Variants in PDE8B observed in about 807,000 individuals in gnomAD.
PDE8B encodes the protein phosphodiesterase 8B.
In PDE8B, 26 loss-of-function variants were observed where a neutral mutation model predicts 101.3. The ratio of observed to expected loss-of-function variants is 0.26; its 90% CI spans 0.19 to 0.36. The LOEUF is 0.36. Ranked by LOEUF, PDE8B falls within the 10% of genes least tolerant of loss-of-function variation. PDE8B has a pLI of 1.00. For synonymous variants in PDE8B, 424 were observed against 429.3 expected, an observed-to-expected ratio of 0.99 and a Z score of 0.15; for missense variants, 810 against 1,163.1, an observed-to-expected ratio of 0.70 and a Z score of 4.42.
the PDE8B span, among the ~76,000 whole-genome samples, chr5:77,149,531 A>G: frequency 2.6e-5 from 4 of 152,112 alleles, no homozygotes; most frequent in Non-Finnish European, 4.4e-5. Flanking sequence ...ATCTTCATTA[A>G]TTTTTCTTAG....
the PDE8B span, among the ~76,000 whole-genome samples, chr5:77,187,374 A>G: frequency 6.6e-6 from 1 of 152,234 alleles, no homozygotes; most frequent in Non-Finnish European, 1.5e-5. Flanking sequence ...AAGTACCTAC[A>G]GCTAGATTTA....
Position 77,211,867 on chromosome 5 carries a change from T to C in PDE8B, c.339+603T>C, listed in dbSNP as rs1748502078. Among the ~76,000 whole-genome samples the C allele has an allele frequency of 6.6e-6, 1 of 152,104 alleles. No homozygotes were observed. Among genetic ancestry groups the C allele is most frequent in the African/African-American group, 2.4e-5 (1 of 41,414 alleles). The stretch of plus-strand genomic sequence containing the variant: ...TTTGTCACTGTAACGTTTCTCTGGG[T>C]TGGCTGCATCCTAGACAGAATTGAG... On this transcript the variant is annotated intron_variant, in intron 1 of 21. Coordinates refer to ENST00000264917, the MANE Select transcript of PDE8B (RefSeq NM_003719.5). This position sits in a 1 kb window ranked among gnomAD's most constrained non-coding sequence, Gnocchi z 4.1.
At chr5:77,401,421 C>G (rs1027547438) in intron 11 of PDE8B, among the ~76,000 whole-genome samples, 2 of 152,210 alleles carry the variant, frequency 1.3e-5, no homozygotes, top group African/African-American at 4.8e-5. Flanking sequence ...ATAATAGACA[C>G]TTTGCAAATA....
intron 1 of PDE8B, among the ~76,000 whole-genome samples, chr5:77,263,134 T>C (rs1760978138): frequency 6.6e-6 from 1 of 152,132 alleles, no homozygotes; most frequent in South Asian, 2.1e-4. Flanking sequence ...AAAAGAAAAA[T>C]GATCAGTGGA....
chr5:77,351,084 A>G lies in PDE8B; in HGVS notation c.1037A>G (p.Tyr346Cys). ...ATGTAGGAGTGGCAGGGGGTTTACT[A>G]TGCCAGACGGAAATCCGGGGACAGC... ...KKGKEWQGVY[Y>C]ARRKSGDSIQ... The change falls in exon 9 of 22, where the codon TAT (tyrosine) becomes TGT (cysteine). Residue 346 changes from tyrosine (Y) to cysteine (C), a missense_variant. By Grantham distance (194) the Tyr-to-Cys change is radical. Around this residue, in one of 4 missense-constraint regions of PDE8B, gnomAD observed 251 missense variants for 378.8 expected, o/e 0.66. Coordinates refer to ENST00000264917, the MANE Select transcript of PDE8B (RefSeq NM_003719.5). 1.9e-6 allele frequency: 3 copies of G among 1,613,908 alleles called. No individual in the cohort carries two copies. Among genetic ancestry groups the G allele is most frequent in the Non-Finnish European group, 2.5e-6 (3 of 1,179,758 alleles).
At chr5:77,345,608 A>G (rs1003975780) in intron 7 of PDE8B, among the ~76,000 whole-genome samples, 8 of 152,268 alleles carry the variant, frequency 5.3e-5, no homozygotes, top group African/African-American at 1.9e-4. Flanking sequence ...TATCCTAATT[A>G]CAAAGCATTC....
chr5:77,100,772 T>C, the PDE8B span, among the ~76,000 whole-genome samples: 1 of 152,058 alleles, frequency 6.6e-6, no homozygotes, highest in Admixed American at 6.6e-5. Context: ...GGGGTCTCAC[T>C]CTCCAAGTAT....
At chr5:77,392,766 T>C (rs556927066) in intron 10 of PDE8B, among the ~76,000 whole-genome samples, 3 of 152,274 alleles carry the variant, frequency 2.0e-5, no homozygotes, top group East Asian at 1.9e-4. Context: ...ATAGCTTTAG[T>C]AGCAGTACAT....
chr5:77,285,195 C>G (rs1184471051), intron 1 of PDE8B, among the ~76,000 whole-genome samples: 1 of 152,158 alleles, frequency 6.6e-6, no homozygotes, highest in Non-Finnish European at 1.5e-5. Flanking sequence ...CCTGTATAAT[C>G]TTTTAGAAGT....
At chr5:77,400,098 G>T (rs906895249) in intron 10 of PDE8B, 150 bp from the exon 11 acceptor site, 3 of 652,124 alleles carry the variant, frequency 4.6e-6, no homozygotes, top group Admixed American at 4.7e-5. Context: ...ACCACTTGGT[G>T]TATGTCTTTC....
the PDE8B span, among the ~76,000 whole-genome samples, chr5:77,117,165 G>C: frequency 6.6e-6 from 1 of 152,210 alleles, no homozygotes; most frequent in Non-Finnish European, 1.5e-5. Flanking sequence ...GGCGGGTAGA[G>C]GTTGGAATGA....
the PDE8B span, among the ~76,000 whole-genome samples, chr5:77,154,368 ATCC>A: frequency 2.0e-5 from 3 of 152,226 alleles, no homozygotes; most frequent in African/African-American, 7.2e-5. Context: ...TCACTGCTTT[ATCC>A]TCATTGCCTA....
the PDE8B span, among the ~76,000 whole-genome samples, chr5:77,143,427 T>A: frequency 6.6e-6 from 1 of 152,220 alleles, no homozygotes; most frequent in Non-Finnish European, 1.5e-5. Flanking sequence ...CATGTGTAGA[T>A]CTTTGTAACA....
Position 77,404,789 on chromosome 5 carries a change from G to A in PDE8B, c.1280G>A (p.Gly427Asp). The change falls in exon 12 of 22, where the codon GGC becomes GAC. Residue 427 changes from glycine to aspartate, a missense_variant. Gly to Asp is a moderately conservative substitution (Grantham distance 94, BLOSUM62 -1). Coordinates refer to ENST00000264917, the MANE Select transcript of PDE8B (RefSeq NM_003719.5). ...SIDVKSISSR[G>D]SDAPSLQNRR... ...GACGTGAAATCGATATCATCTCGAG[G>A]CAGTGATGGTAAGATGTTTTTCAGA... 2 of 1,586,684 alleles carry A rather than the reference G, an allele frequency of 1.3e-6. No individual in the cohort carries two copies. Among genetic ancestry groups the A allele is most frequent in the Non-Finnish European group, 1.7e-6 (2 of 1,155,208 alleles).
intron 1 of PDE8B, among the ~76,000 whole-genome samples, chr5:77,309,259 G>A (rs1347741367): frequency 7.1e-6 from 1 of 141,710 alleles, no homozygotes; most frequent in African/African-American, 2.5e-5. Context: ...GGAAGGAGAG[G>A]AAAGAGAGAG....
At chr5:77,203,942 C>T in the PDE8B span, among the ~76,000 whole-genome samples, 14 of 151,556 alleles carry the variant, frequency 9.2e-5, no homozygotes, top group South Asian at 2.9e-3. Flanking sequence ...GCCCATGAGA[C>T]ATTTAGGAAA....
intron 1 of PDE8B, among the ~76,000 whole-genome samples, chr5:77,267,303 G>C (rs1376044007): frequency 6.6e-6 from 1 of 152,076 alleles, no homozygotes; most frequent in Non-Finnish European, 1.5e-5. Context: ...AGCCATGTAT[G>C]GTGGCGGGCA....
chr5:77,210,902 C>A lies in PDE8B; in HGVS notation c.-24C>A, dbSNP rs760305316. 5.4e-6 allele frequency: 7 copies of A among 1,294,404 alleles called. No homozygotes were observed. The South Asian group carries it at 1.7e-4, about 31-fold the overall frequency. 80.2% of individuals were successfully genotyped at this position (1,294,404 alleles called of 1,614,324 possible). A position where few individuals can be genotyped will look rare whatever the true frequency, so the allele number is the denominator to read the frequency against. On this transcript the variant is annotated 5_prime_UTR_variant, in exon 1 of 22. Coordinates refer to ENST00000264917, the MANE Select transcript of PDE8B (RefSeq NM_003719.5). This position sits in a 1 kb window ranked among gnomAD's most constrained non-coding sequence, Gnocchi z 4.9. ...CCCGGCGGCCGCGGGCGCGGGCGGGCGCGCGGGGGAGCCCGGCCGAGGGAT... is the reference window on the plus strand; with the variant it reads ...CCCGGCGGCCGCGGGCGCGGGCGGGAGCGCGGGGGAGCCCGGCCGAGGGAT...
intron 6 of PDE8B, among the ~76,000 whole-genome samples, chr5:77,339,902 T>A (rs1460898343): frequency 1.3e-5 from 2 of 152,156 alleles, no homozygotes; most frequent in South Asian, 4.2e-4. Context: ...TAAGATTCTA[T>A]TATATAAAAT....
Sources: gnomAD v4.1 joint callset for allele counts (sites outside exome capture counted in the v4.1 genomes callset) on GRCh38, gnomAD v4.1.1 for gene constraint, gnomAD v4.1.1 regional missense constraint, Gnocchi (gnomAD v3.1) non-coding constraint, MANE v1.5 for transcripts, NCBI Gene and HGNC (gene_info 2026-07-23, HGNC 2026-07-21) for gene names.